Variants in NLK observed in about 807,000 individuals in gnomAD.
The protein encoded by NLK is nemo like kinase.
Under a neutral mutation model 59.0 loss-of-function variants are expected in NLK, and 11 were observed. The ratio of observed to expected loss-of-function variants is 0.19; its 90% CI spans 0.12 to 0.31. The LOEUF (loss-of-function observed/expected upper bound fraction) is 0.31. Ranked by LOEUF, NLK falls within the 10% of genes least tolerant of loss-of-function variation. NLK has a pLI of 1.00. For synonymous variants in NLK, 235 were observed against 235.9 expected, an observed-to-expected ratio of 1.00 and a Z score of 0.03; for missense variants, 410 against 661.1, an observed-to-expected ratio of 0.62 and a Z score of 4.16.
chr17:28,142,485 G>A (rs1324684738), intron 3 of NLK, among the ~76,000 whole-genome samples: 2 of 152,090 alleles, frequency 1.3e-5, no homozygotes, highest in Admixed American at 1.3e-4. Context: ...CATGCTTTTT[G>A]TTGCAAAGAA....
At chr17:28,132,546 A>G (rs1211475905) in intron 2 of NLK, 74 bp from the exon 3 acceptor site, 4 of 1,102,824 alleles carry the variant, frequency 3.6e-6, no homozygotes, top group Middle Eastern at 2.5e-4. Context: ...AGTTGTTAGT[A>G]TTTACTTGCA....
At chr17:28,142,175 T>C (rs1183706301) in intron 3 of NLK, among the ~76,000 whole-genome samples, 2 of 152,222 alleles carry the variant, frequency 1.3e-5, no homozygotes, top group African/African-American at 2.4e-5. Context: ...TGTAACAATA[T>C]GTAGAATGAC....
intron 1 of NLK, among the ~76,000 whole-genome samples, chr17:28,111,354 T>A (rs145239069): frequency 0.073 from 9,900 of 134,878 alleles, 328 homozygotes; most frequent in East Asian, 0.12. Context: ...GCCTGGCTAA[T>A]TTTTTTTTTT....
intron 1 of NLK, among the ~76,000 whole-genome samples, chr17:28,065,168 G>T (rs889284274): frequency 7.9e-5 from 12 of 152,192 alleles, no homozygotes; most frequent in Admixed American, 6.5e-4. Flanking sequence ...ATATAGATGG[G>T]ATACCAAGGG....
chr17:28,170,749 A>C (rs751669493), intron 6 of NLK, among the ~76,000 whole-genome samples: 9 of 152,356 alleles, frequency 5.9e-5, no homozygotes, highest in Non-Finnish European at 1.0e-4. Context: ...TATATGGAAC[A>C]AGAATCTTGA....
At chr17:28,116,398 G>C (rs1317276249) in intron 1 of NLK, 6 of 190,508 alleles carry the variant, frequency 3.1e-5, no homozygotes, top group Admixed American at 2.9e-4. Context: ...AGAGCTGCTG[G>C]TGACCCATCT....
intron 2 of NLK, among the ~76,000 whole-genome samples, chr17:28,129,519 T>G (rs1054992158): frequency 2.0e-5 from 3 of 152,104 alleles, no homozygotes; most frequent in African/African-American, 7.2e-5. Context: ...TAGAAATATG[T>G]GTGTATATAA....
chr17:28,131,135 A>G lies in NLK; in HGVS notation c.589-1485A>G, dbSNP rs555258232. Among the ~76,000 whole-genome samples, 719 of 152,232 alleles carry G rather than the reference A, an allele frequency of 4.7e-3. 2 individuals are homozygous for G. Among genetic ancestry groups the G allele is most frequent in the Non-Finnish European group, 8.0e-3 (544 of 67,986 alleles). Reference sequence around the variant, plus strand: ...AAATAAATTTTTACTTAAAATTTATAGTGAGAAATGCTTGGCTGAAACAAG... The same window carrying G: ...AAATAAATTTTTACTTAAAATTTATGGTGAGAAATGCTTGGCTGAAACAAG... On this transcript the variant is annotated intron_variant, in intron 2 of 10. Transcript: ENST00000407008.
At chr17:28,152,756 C>T (rs533120589) in intron 3 of NLK, among the ~76,000 whole-genome samples, 19 of 151,956 alleles carry the variant, frequency 1.3e-4, no homozygotes, top group African/African-American at 4.3e-4. Flanking sequence ...CCCTAGTAGC[C>T]GGGACTACAG....
intron 1 of NLK, among the ~76,000 whole-genome samples, chr17:28,101,976 C>A (rs1289729290): frequency 6.6e-6 from 1 of 152,016 alleles, no homozygotes; most frequent in Non-Finnish European, 1.5e-5. Context: ...ATGCTATATT[C>A]TTTTTCATTT....
At chr17:28,077,966 T>C (rs1910223139) in intron 1 of NLK, among the ~76,000 whole-genome samples, 1 of 152,122 alleles carries the variant, frequency 6.6e-6, no homozygotes. Flanking sequence ...TAGGAAAATA[T>C]GAAACAATTC....
chr17:28,203,804 T>C, the NLK span, among the ~76,000 whole-genome samples: 1 of 152,308 alleles, frequency 6.6e-6, no homozygotes, highest in East Asian at 1.9e-4. Flanking sequence ...CCCAAAGTGT[T>C]GGGATTACAG....
intron 3 of NLK, among the ~76,000 whole-genome samples, chr17:28,151,353 ATT>A (rs982754213): frequency 3.3e-5 from 5 of 152,196 alleles, no homozygotes; most frequent in African/African-American, 7.2e-5. Context: ...AGAGCTTCAA[ATT>A]CAGGAATTAT....
intron 3 of NLK, among the ~76,000 whole-genome samples, chr17:28,140,869 G>A (rs1046441422): frequency 6.6e-6 from 1 of 152,026 alleles, no homozygotes; most frequent in Admixed American, 6.6e-5. Context: ...ATGTTCAGTA[G>A]TCCTTCCTGT....
intron 1 of NLK, among the ~76,000 whole-genome samples, chr17:28,098,129 G>A (rs970127444): frequency 2.6e-5 from 4 of 152,050 alleles, no homozygotes; most frequent in Non-Finnish European, 2.9e-5. Flanking sequence ...ATAAACCTAC[G>A]AAGTGTACAC....
At chr17:28,113,071 A>C (rs1171852880) in intron 1 of NLK, among the ~76,000 whole-genome samples, 1 of 152,238 alleles carries the variant, frequency 6.6e-6, no homozygotes, top group East Asian at 1.9e-4. Context: ...TCCTTTTAAA[A>C]ATTATACAGG....
chr17:28,150,677 TCAG>T (rs1225506723), intron 3 of NLK, among the ~76,000 whole-genome samples: 1 of 152,186 alleles, frequency 6.6e-6, no homozygotes, highest in African/African-American at 2.4e-5. Flanking sequence ...CTTGCATCAT[TCAG>T]GTTTTTTTGA....
chr17:28,203,168 C>T, the NLK span, among the ~76,000 whole-genome samples: 10 of 119,264 alleles, frequency 8.4e-5, no homozygotes, highest in Admixed American at 2.4e-4. Context: ...CATACATACA[C>T]ACACACACAC....
intron 1 of NLK, among the ~76,000 whole-genome samples, chr17:28,057,158 T>C (rs1909471821): frequency 6.6e-6 from 1 of 152,134 alleles, no homozygotes; most frequent in Non-Finnish European, 1.5e-5. Context: ...TTTCTCCATG[T>C]TGGTCAGCCT....
Sources: allele counts gnomAD v4.1 joint callset (sites outside exome capture counted in the v4.1 genomes callset), GRCh38; gene constraint gnomAD v4.1.1; transcripts MANE v1.5; gene names NCBI Gene and HGNC (gene_info 2026-07-23, HGNC 2026-07-21).